ADAMTS2: variants seen among roughly 807,000 people sequenced by gnomAD.
ADAMTS2 encodes ADAM metallopeptidase with thrombospondin type 1 motif 2, also known as A disintegrin and metalloproteinase with thrombospondin motifs 2.
Under a neutral mutation model 123.0 loss-of-function variants are expected in ADAMTS2, and 50 were observed. The observed-to-expected ratio is 0.41, with a 90% CI of 0.32 to 0.51. The LOEUF (loss-of-function observed/expected upper bound fraction) is 0.51. Ranked by LOEUF, ADAMTS2 falls within the 20% of genes least tolerant of loss-of-function variation. The pLI, the probability that ADAMTS2 is intolerant of heterozygous loss-of-function variation, is 0.35. For synonymous variants in ADAMTS2, 678 were observed against 695.4 expected (o/e 0.98, Z 0.39); for missense variants, 1,494 against 1,705.2 (o/e 0.88, Z 2.18).
chr5:179,209,580 ATG>A, intron 3 of ADAMTS2, among the ~76,000 whole-genome samples: 2 of 151,920 alleles, frequency 1.3e-5, no homozygotes, highest in Admixed American at 6.6e-5. Flanking sequence ...ATGCACACAC[ATG>A]TACACACACA....
Position 179,317,616 on chromosome 5 carries a change from TC to T in ADAMTS2, c.534+26150del, listed in dbSNP as rs1268512058. On this transcript the variant is annotated intron_variant, in intron 2 of 21. Transcript: ENST00000251582. This position sits in a 1 kb window ranked among gnomAD's most constrained non-coding sequence, Gnocchi z 4.9. The stretch of plus-strand genomic sequence containing the variant: ...CACTGCAGTGTTGGTGTAATCTATG[TC>T]CCCCGGATGGCCAGCGGGCACAGAG... Among the ~76,000 whole-genome samples the T allele has an allele frequency of 6.6e-6, 1 of 152,018 alleles. No individual in the cohort carries two copies. The highest frequency in any genetic ancestry group is 1.9e-4 in the East Asian group (1 of 5,182).
At chr5:179,306,511 C>T (rs1756677334) in intron 2 of ADAMTS2, among the ~76,000 whole-genome samples, 1 of 152,174 alleles carries the variant, frequency 6.6e-6, no homozygotes, top group African/African-American at 2.4e-5. Flanking sequence ...AATACCGCAT[C>T]CTGAGAAACT....
chr5:179,333,862 A>G (rs1757542090), intron 2 of ADAMTS2, among the ~76,000 whole-genome samples: 1 of 152,094 alleles, frequency 6.6e-6, no homozygotes, highest in African/African-American at 2.4e-5. Flanking sequence ...AGCCTCCTCA[A>G]GTTACACAGG....
At chr5:179,171,403 C>T (rs987518478) in intron 5 of ADAMTS2, among the ~76,000 whole-genome samples, 3 of 152,218 alleles carry the variant, frequency 2.0e-5, no homozygotes, top group Non-Finnish European at 4.4e-5. Context: ...AAGCCTTCAG[C>T]CCAGCCCCTA....
chr5:179,341,714 CAAA>C (rs36096225), intron 2 of ADAMTS2, among the ~76,000 whole-genome samples: 4 of 65,110 alleles, frequency 6.1e-5, no homozygotes, highest in Admixed American at 2.9e-4. Context: ...GACTCCGTCT[CAAA>C]AAAAAAAAAA....
intron 19 of ADAMTS2, among the ~76,000 whole-genome samples, chr5:179,124,283 CT>C: frequency 6.6e-6 from 1 of 152,182 alleles, no homozygotes; most frequent in South Asian, 2.1e-4. Flanking sequence ...GCTGTCAGAG[CT>C]CACGTCAGCT....
At chr5:179,276,934 T>C (rs1766713850) in intron 2 of ADAMTS2, among the ~76,000 whole-genome samples, 1 of 152,140 alleles carries the variant, frequency 6.6e-6, no homozygotes, top group South Asian at 2.1e-4. Context: ...CAGTACTCTC[T>C]GGCCGGAGTA....
Position 179,189,520 on chromosome 5 carries a change from T to TTC in ADAMTS2, c.892-8366_892-8365insGA, listed in dbSNP as rs1764254045. ...CCGCCAGTGCGCCTGGTTTTTTTTT[T>TTC]TTTTTTTTTTTTTTTTTTAGTAGAG... On this transcript the variant is annotated intron_variant, in intron 4 of 21. Transcript: ENST00000251582. The surrounding 1 kb of genome is among the most constrained non-coding windows in gnomAD (Gnocchi z 4.2). Among the ~76,000 whole-genome samples the TTC allele has an allele frequency of 7.2e-6, 1 of 138,770 alleles. No homozygotes were observed. The highest frequency in any genetic ancestry group is 2.7e-5 in the African/African-American group (1 of 37,254). The allele number at this position is 138,770 out of a possible 152,430, so 91.0% of individuals were successfully genotyped here.
chr5:179,137,746 TGA>T (rs1198363289), intron 12 of ADAMTS2, 21 bp downstream of exon 12: 4 of 1,145,042 alleles, frequency 3.5e-6, no homozygotes, highest in Non-Finnish European at 4.7e-6. Flanking sequence ...GAGCCCCCAC[TGA>T]TGCCTCCCAG....
intron 5 of ADAMTS2, among the ~76,000 whole-genome samples, chr5:179,163,098 AGCCAG>A (rs1269332351): frequency 2.0e-5 from 3 of 152,014 alleles, no homozygotes; most frequent in Non-Finnish European, 4.4e-5. Flanking sequence ...CTGCGGGAGG[AGCCAG>A]GCTGAGGCAG....
chr5:179,334,306 T>C (rs1757555058), intron 2 of ADAMTS2, among the ~76,000 whole-genome samples: 1 of 152,330 alleles, frequency 6.6e-6, no homozygotes. Context: ...GTTTCATTCC[T>C]GGCCCAGCAA....
At chr5:179,163,332 G>GA (rs1371052389) in intron 5 of ADAMTS2, among the ~76,000 whole-genome samples, 1 of 152,208 alleles carries the variant, frequency 6.6e-6, no homozygotes, top group Non-Finnish European at 1.5e-5. Context: ...GGGGGTCGGT[G>GA]ATAAGGAGTG....
chr5:179,146,717 G>A (rs543430188), intron 10 of ADAMTS2, among the ~76,000 whole-genome samples: 4 of 151,928 alleles, frequency 2.6e-5, no homozygotes, highest in African/African-American at 9.7e-5. Flanking sequence ...TTCTTTTTTG[G>A]TGACAATGAG....
At chr5:179,136,517 T>A (rs1763068747) in intron 12 of ADAMTS2, among the ~76,000 whole-genome samples, 2 of 151,058 alleles carry the variant, frequency 1.3e-5, no homozygotes, top group South Asian at 4.2e-4. Context: ...ATACAAAAAT[T>A]AGCTGGGTGT....
chr5:179,158,335 T>C lies in ADAMTS2; in HGVS notation c.1132+388A>G, dbSNP rs1171784033. ...AGCCATCCACCTACGTTATCTTCTT[T>C]CATTATTTTGCGTTTCTTATTTAGA... is the stretch of plus-strand genomic sequence containing the variant. On this transcript the variant is annotated intron_variant, in intron 6 of 21. Transcript: ENST00000251582. The surrounding 1 kb of genome is among the most constrained non-coding windows in gnomAD (Gnocchi z 5.0). 6.6e-6 allele frequency among the ~76,000 whole-genome samples: 1 copy of C among 152,204 alleles called. No individual in the cohort carries two copies. Among genetic ancestry groups the C allele is most frequent in the Non-Finnish European group, 1.5e-5 (1 of 68,036 alleles).
chr5:179,329,033 G>GA (rs1412770281), intron 2 of ADAMTS2, among the ~76,000 whole-genome samples: 3 of 152,018 alleles, frequency 2.0e-5, no homozygotes, highest in Non-Finnish European at 2.9e-5. Flanking sequence ...TGGTGCAAAA[G>GA]AAAAACAGAA....
At chr5:179,323,939 G>T (rs1487623913) in intron 2 of ADAMTS2, among the ~76,000 whole-genome samples, 2 of 152,224 alleles carry the variant, frequency 1.3e-5, no homozygotes, top group African/African-American at 4.8e-5. Context: ...GTACATCCAT[G>T]CAATGGAATC....
rs543547848 is a variant in ADAMTS2 at position 179,344,239 on chromosome 5, C to G, written c.140-78G>C. The G allele has an allele frequency of 1.3e-4, 194 of 1,498,446 alleles. No individual in the cohort carries two copies. The African/African-American group carries it at 2.4e-3, about 19-fold the overall frequency. 92.8% of individuals were successfully genotyped at this position (1,498,446 alleles called of 1,614,324 possible). A position where few individuals can be genotyped will look rare whatever the true frequency, so the allele number is the denominator to read the frequency against. ...CAGAGACCCGCCGGCAAGCCACGCCCCCCCAGACCCCGCCCCACTGCGAAG... is the reference window on the plus strand; with the variant it reads ...CAGAGACCCGCCGGCAAGCCACGCCGCCCCAGACCCCGCCCCACTGCGAAG... On this transcript the variant is annotated intron_variant, in intron 1 of 21. Transcript: ENST00000251582.
At chr5:179,171,613 G>A (rs181734195) in intron 5 of ADAMTS2, among the ~76,000 whole-genome samples, 19 of 152,270 alleles carry the variant, frequency 1.2e-4, no homozygotes, top group East Asian at 3.9e-4. Context: ...GGGATGGAGC[G>A]GACCCCATGG....
Sources: gnomAD v4.1 joint callset for allele counts (sites outside exome capture counted in the v4.1 genomes callset) on GRCh38, gnomAD v4.1.1 for gene constraint, Gnocchi (gnomAD v3.1) non-coding constraint, MANE v1.5 for transcripts, NCBI Gene and HGNC (gene_info 2026-07-23, HGNC 2026-07-21) for gene names.